The following APBB1IP variants were observed in gnomAD, a reference collection of about 807,000 sequenced individuals.
APBB1IP encodes amyloid beta A4 precursor protein-binding family B member 1-interacting protein.
Under a neutral mutation model 64.9 loss-of-function variants are expected in APBB1IP, and 27 were observed. That is an observed-to-expected ratio of 0.42 (90% CI 0.31 to 0.57). The LOEUF is 0.57. Among genes scored for constraint, APBB1IP ranks in the 20% least tolerant of loss-of-function variants. APBB1IP has a pLI of 0.20. For missense variants in APBB1IP, 812 were observed against 845.5 expected, an observed-to-expected ratio of 0.96 and a Z score of 0.49; for synonymous variants, 392 against 331.0, an observed-to-expected ratio of 1.18 and a Z score of -2.00.
chr10:26,555,267 C>T (rs1836881169), intron 11 of APBB1IP, among the ~76,000 whole-genome samples: 1 of 152,182 alleles, frequency 6.6e-6, no homozygotes, highest in Non-Finnish European at 1.5e-5. Flanking sequence ...GTGCCCCCCA[C>T]TGCCCAGGGG....
chr10:26,472,359 G>A (rs1835728360), intron 2 of APBB1IP, among the ~76,000 whole-genome samples: 1 of 152,134 alleles, frequency 6.6e-6, no homozygotes, highest in Admixed American at 6.5e-5. Context: ...ATAATAGAAA[G>A]GAAAGCATTT....
chr10:26,535,118 T>C (rs1354675445), intron 9 of APBB1IP, among the ~76,000 whole-genome samples: 1 of 152,234 alleles, frequency 6.6e-6, no homozygotes, highest in Non-Finnish European at 1.5e-5. Context: ...TATAATTTTA[T>C]TCTATTGATT....
At chr10:26,445,729 A>T (rs2132394049) in intron 2 of APBB1IP, among the ~76,000 whole-genome samples, 1 of 152,350 alleles carries the variant, frequency 6.6e-6, no homozygotes, top group Admixed American at 6.5e-5. Flanking sequence ...GATTTGGAAG[A>T]TAGGAATGTT....
At chr10:26,549,426 A>G (rs1021084063) in intron 11 of APBB1IP, among the ~76,000 whole-genome samples, 7 of 152,192 alleles carry the variant, frequency 4.6e-5, no homozygotes, top group African/African-American at 1.7e-4. Flanking sequence ...AGAACTCAGC[A>G]GTGAAGCCAT....
chr10:26,470,517 C>T (rs142037086), intron 2 of APBB1IP, among the ~76,000 whole-genome samples: 16 of 152,200 alleles, frequency 1.1e-4, no homozygotes, highest in Non-Finnish European at 1.6e-4. Context: ...CCAGCCTAGG[C>T]GACAGAGCGA....
At chr10:26,519,031 T>C (rs1400409413) in intron 8 of APBB1IP, among the ~76,000 whole-genome samples, 1 of 151,772 alleles carries the variant, frequency 6.6e-6, no homozygotes, top group Non-Finnish European at 1.5e-5. Flanking sequence ...AGAGGTTTAT[T>C]TGGGAGGCTG....
chr10:26,533,999 C>T (rs1836587324), intron 9 of APBB1IP, among the ~76,000 whole-genome samples: 1 of 151,616 alleles, frequency 6.6e-6, no homozygotes, highest in Non-Finnish European at 1.5e-5. Context: ...TGACAGATTC[C>T]GAATTGTATT....
intron 3 of APBB1IP, among the ~76,000 whole-genome samples, chr10:26,493,387 T>TG (rs1835981381): frequency 6.6e-6 from 1 of 152,152 alleles, no homozygotes; most frequent in Non-Finnish European, 1.5e-5. Flanking sequence ...GAGTATTGAT[T>TG]GGGGAAATGA....
intron 2 of APBB1IP, among the ~76,000 whole-genome samples, chr10:26,455,014 T>C (rs895513470): frequency 2.0e-5 from 3 of 152,244 alleles, no homozygotes; most frequent in African/African-American, 7.2e-5. Context: ...AATTTCATTT[T>C]TGATGGCTGT....
In APBB1IP at chr10:26,567,082, C is replaced by T; in HGVS notation, c.1595C>T (p.Pro532Leu). ...VRRSSDTSGS[P>L]ATPLKAKGTG... is the part of the protein sequence containing the mutation. ...AGGTCCTCCGACACCAGCGGCAGTC[C>T]CGCCACGCCCCTCAAGGCCAAGGGC... is the stretch of plus-strand genomic sequence containing the variant. The change falls in exon 15 of 15, where the codon CCC (proline) becomes CTC (leucine). Residue 532 changes from proline (P) to leucine (L), a missense_variant. Pro to Leu is a moderately conservative substitution (Grantham distance 98, BLOSUM62 -3). Transcript: ENST00000376236. The T allele has an allele frequency of 6.8e-7, 1 of 1,476,264 alleles. No individual in the cohort carries two copies. Among genetic ancestry groups the T allele is most frequent in the Non-Finnish European group, 8.9e-7 (1 of 1,127,544 alleles). The allele number at this position is 1,476,264 out of a possible 1,614,324, so 91.4% of individuals were successfully genotyped here.
intron 2 of APBB1IP, among the ~76,000 whole-genome samples, chr10:26,469,772 C>G (rs1299052413): frequency 6.6e-6 from 1 of 152,100 alleles, no homozygotes; most frequent in African/African-American, 2.4e-5. Context: ...TCCCTCCTTC[C>G]CCACTCTAGT....
At chr10:26,501,734 A>G (rs981352760) in intron 5 of APBB1IP, 3 of 152,500 alleles carry the variant, frequency 2.0e-5, no homozygotes, top group African/African-American at 7.2e-5. Flanking sequence ...TAAAAAGAGC[A>G]CTTTTAAGGA....
chr10:26,539,184 G>C (rs1258057159), intron 10 of APBB1IP, among the ~76,000 whole-genome samples: 1 of 152,188 alleles, frequency 6.6e-6, no homozygotes, highest in African/African-American at 2.4e-5. Flanking sequence ...GACCAGGTGG[G>C]AGGATAGCTT....
intron 2 of APBB1IP, among the ~76,000 whole-genome samples, chr10:26,473,921 G>C (rs1256179570): frequency 6.8e-6 from 1 of 147,618 alleles, no homozygotes; most frequent in Non-Finnish European, 1.5e-5. Flanking sequence ...AGAATTGCTT[G>C]AACGCCGGAG....
chr10:26,507,379 G>A (rs756738561), intron 6 of APBB1IP, among the ~76,000 whole-genome samples: 15 of 152,274 alleles, frequency 9.9e-5, no homozygotes, highest in Admixed American at 2.6e-4. Context: ...CACACATGTA[G>A]TCCCAGCTAC....
At chr10:26,542,765 C>T (rs201226574) in intron 11 of APBB1IP, among the ~76,000 whole-genome samples, 1 of 130,034 alleles carries the variant, frequency 7.7e-6, no homozygotes, top group Admixed American at 9.1e-5. Context: ...GATGTCCTAG[C>T]CTTTTTTTTT....
rs74128327 is a variant in APBB1IP, at chr10:26,474,964, C to A, written c.1-17363C>A. ...TCTGTTCTAGAGGCGGAAACGCCAT[C>A]ATGTCTATGAAGACATAACCCAGTT... On this transcript the variant is annotated intron_variant, in intron 2 of 14. Transcript: ENST00000376236. 6.3e-3 allele frequency among the ~76,000 whole-genome samples: 963 copies of A among 152,352 alleles called. 19 individuals carry two copies. Among genetic ancestry groups the A allele is most frequent in the African/African-American group, 0.022 (920 of 41,576 alleles).
In APBB1IP at chr10:26,567,102, A is replaced by C. The variant is rs1837056832; in HGVS notation, c.1615A>C (p.Lys539Gln). The C allele has an allele frequency of 6.9e-7, 1 of 1,449,362 alleles. No homozygotes were observed. Among genetic ancestry groups the C allele is most frequent in the African/African-American group, 1.5e-5 (1 of 65,176 alleles). 89.8% of individuals were successfully genotyped at this position (1,449,362 alleles called of 1,614,324 possible). A position where few individuals can be genotyped will look rare whatever the true frequency, so the allele number is the denominator to read the frequency against. Residue 539 changes from lysine (K) to glutamine (Q), a missense_variant, in exon 15 of 15, where the codon AAG becomes CAG. Coordinates refer to ENST00000376236, the MANE Select transcript of APBB1IP (RefSeq NM_019043.4). ...SGSPATPLKA[K>Q]GTGGGGLPAP... ...CAGTCCCGCCACGCCCCTCAAGGCCAAGGGCACAGGCGGCGGGGGCTTGCC... is the reference window on the plus strand; with the variant it reads ...CAGTCCCGCCACGCCCCTCAAGGCCCAGGGCACAGGCGGCGGGGGCTTGCC...
chr10:26,502,360 G>C (rs1156442919), intron 5 of APBB1IP, among the ~76,000 whole-genome samples: 1 of 152,174 alleles, frequency 6.6e-6, no homozygotes, highest in East Asian at 1.9e-4. Flanking sequence ...CAGTCTCTTG[G>C]GCCAGGCGTG....
Sources: allele counts gnomAD v4.1 joint callset (sites outside exome capture counted in the v4.1 genomes callset), GRCh38; gene constraint gnomAD v4.1.1; transcripts MANE v1.5; gene names NCBI Gene and HGNC (gene_info 2026-07-23, HGNC 2026-07-21).